Variants in PCDHGA3 observed in about 807,000 individuals in gnomAD.
PCDHGA3 encodes the protein protocadherin gamma-A3.
A neutral mutation model predicts 58.5 loss-of-function variants in PCDHGA3; 40 were observed. The ratio of observed to expected loss-of-function variants is 0.68; its 90% CI spans 0.53 to 0.89. PCDHGA3 has a LOEUF of 0.89. Among genes scored for constraint, PCDHGA3 ranks in the 40% least tolerant of loss-of-function variants. PCDHGA3 has a pLI of 0.00. For missense variants in PCDHGA3, 1,223 were observed against 1,195.9 expected, an observed-to-expected ratio of 1.02 and a Z score of -0.33; for synonymous variants, 530 against 525.7, an observed-to-expected ratio of 1.01 and a Z score of -0.11.
At chr5:141,390,353 T>C (rs2092125983) in intron 1 of PCDHGA3, 3 of 1,554,516 alleles carry the variant, frequency 1.9e-6, no homozygotes, top group African/African-American at 2.8e-5. Flanking sequence ...AAAATATACA[T>C]ATTTGCAGGA....
chr5:141,465,583 A>G (rs1056902823), intron 1 of PCDHGA3, among the ~76,000 whole-genome samples: 10 of 152,162 alleles, frequency 6.6e-5, no homozygotes, highest in African/African-American at 2.4e-4. Flanking sequence ...ACACTCTCAT[A>G]ATAATCAGAT....
At chr5:141,409,589 G>A (rs1487343349) in intron 1 of PCDHGA3, 12 of 1,613,758 alleles carry the variant, frequency 7.4e-6, no homozygotes, top group East Asian at 4.5e-5. Flanking sequence ...CCACGTGGCC[G>A]AGAACAACCC....
intron 2 of PCDHGA3, among the ~76,000 whole-genome samples, chr5:141,495,725 C>G (rs1339925752): frequency 1.3e-5 from 2 of 151,986 alleles, no homozygotes; most frequent in African/African-American, 4.8e-5. Flanking sequence ...TACACGGGAC[C>G]CTTAGTCTCT....
At chr5:141,365,529 A>C (rs376283711) in intron 1 of PCDHGA3, 2 of 1,613,724 alleles carry the variant, frequency 1.2e-6, no homozygotes, top group Non-Finnish European at 1.7e-6. Context: ...TCAGTTGATA[A>C]TTACTATCAC....
chr5:141,388,424 G>T, intron 1 of PCDHGA3: 2 of 1,613,812 alleles, frequency 1.2e-6, no homozygotes, highest in Non-Finnish European at 1.7e-6. Flanking sequence ...ATTTCTCACT[G>T]ATAAATAAAG....
At chr5:141,448,924 G>A (rs1244728418) in intron 1 of PCDHGA3, among the ~76,000 whole-genome samples, 1 of 152,116 alleles carries the variant, frequency 6.6e-6, no homozygotes, top group East Asian at 1.9e-4. Flanking sequence ...CAGCCTGGGC[G>A]ACAGAGCAAG....
Position 141,486,453 on chromosome 5 carries a change from C to T in PCDHGA3, c.2425-8354C>T, listed in dbSNP as rs776820667. 6.2e-6 allele frequency: 10 copies of T among 1,614,114 alleles called. No homozygotes were observed. The highest frequency in any genetic ancestry group is 1.1e-5 in the South Asian group (1 of 91,082). On this transcript the variant is annotated intron_variant, in intron 1 of 3. Transcript: ENST00000253812. The surrounding 1 kb of genome is among the most constrained non-coding windows in gnomAD (Gnocchi z 5.0). ...TCTAGCTATGACATCATGGTCACTGCTTCTGATGCTGGGAACCCTCCTCTC... is the reference window on the plus strand; with the variant it reads ...TCTAGCTATGACATCATGGTCACTGTTTCTGATGCTGGGAACCCTCCTCTC...
Position 141,346,096 on chromosome 5 carries a change from A to G in PCDHGA3, c.2063A>G (p.Asp688Gly). 1 of 1,613,228 alleles carries G rather than the reference A, an allele frequency of 6.2e-7. No individual in the cohort carries two copies. Among genetic ancestry groups the G allele is most frequent in the Non-Finnish European group, 8.5e-7 (1 of 1,179,732 alleles). The change falls in exon 1 of 4, where the codon GAC becomes GGC. Residue 688 changes from aspartate (D) to glycine (G), a missense_variant. Transcript: ENST00000253812. ...LEPSAKPNDS[D>G]LTLYLVVAVA... Reference sequence around the variant, plus strand: ...CCCTCCGCCAAACCCAACGATTCGGACCTCACTCTGTACCTGGTGGTGGCG... The same window carrying G: ...CCCTCCGCCAAACCCAACGATTCGGGCCTCACTCTGTACCTGGTGGTGGCG...
chr5:141,378,334 C>T (rs1228314593), intron 1 of PCDHGA3: 1 of 152,202 alleles, frequency 6.6e-6, no homozygotes, highest in East Asian at 1.9e-4. Flanking sequence ...ACCAGCCTGA[C>T]CAACATGGTG....
chr5:141,509,081 A>T (rs1279221589), intron 3 of PCDHGA3, among the ~76,000 whole-genome samples: 1 of 152,160 alleles, frequency 6.6e-6, no homozygotes, highest in Non-Finnish European at 1.5e-5. Context: ...GATTTGCGAC[A>T]TGAAATGGGG....
intron 1 of PCDHGA3, among the ~76,000 whole-genome samples, chr5:141,433,853 A>C (rs934981508): frequency 1.3e-5 from 2 of 151,912 alleles, no homozygotes; most frequent in African/African-American, 2.4e-5. Context: ...AAAAAAAAAA[A>C]AACTTTATCC....
At chr5:141,427,525 C>T (rs779318429) in intron 1 of PCDHGA3, 9 of 611,980 alleles carry the variant, frequency 1.5e-5, no homozygotes, top group South Asian at 3.0e-5. Flanking sequence ...GAGCGGATCC[C>T]GGAGTACAAC....
chr5:141,387,764 AT>A, intron 1 of PCDHGA3: 1 of 1,430,464 alleles, frequency 7.0e-7, no homozygotes, highest in East Asian at 2.5e-5. Context: ...AAAAAGAAGA[AT>A]TTTTTCTTGA....
At chr5:141,391,449 A>C (rs1432134490) in intron 1 of PCDHGA3, 2 of 152,026 alleles carry the variant, frequency 1.3e-5, no homozygotes, top group Admixed American at 1.3e-4. Context: ...ACTAGCTGGA[A>C]CTCAGGCTCA....
chr5:141,347,137 C>CTCTTTCTTTCTTCCTTTCTT (rs1757891658), intron 1 of PCDHGA3, among the ~76,000 whole-genome samples: 1 of 113,744 alleles, frequency 8.8e-6, no homozygotes, highest in Non-Finnish European at 1.7e-5. Context: ...CTCTGTTTCT[C>CTCTTTCTTTCTTCCTTTCTT]TCTTTCTTTC....
intron 1 of PCDHGA3, among the ~76,000 whole-genome samples, chr5:141,373,744 G>C (rs10061034): frequency 0.027 from 4,169 of 152,204 alleles, 185 homozygotes; most frequent in African/African-American, 0.096. Flanking sequence ...TCATTATCTT[G>C]GGGAGGGAAA....
rs762314174 is a variant in PCDHGA3, at chr5:141,404,905, GCC to G, written c.2424+58452_2424+58453del. The G allele has an allele frequency of 1.9e-6, 3 of 1,613,910 alleles. No homozygotes were observed. In the South Asian group the frequency reaches 3.3e-5, roughly 18 times the overall value. On this transcript the variant is annotated intron_variant, in intron 1 of 3. Coordinates refer to ENST00000253812, the MANE Select transcript of PCDHGA3 (RefSeq NM_018916.4). ...TGGTGGCTGTACAGGACCATGGCCA[GCC>G]CCCTCTCTCGGCCACTGTCACGCTC...
intron 1 of PCDHGA3, chr5:141,361,485 A>T (rs1762045132): frequency 2.5e-6 from 4 of 1,614,034 alleles, no homozygotes; most frequent in Non-Finnish European, 3.4e-6. Flanking sequence ...ATAATGCCCC[A>T]GTTTTCCAAC....
rs528252306 is a variant in PCDHGA3 at position 141,372,422 on chromosome 5, C to G, written c.2424+25965C>G. On this transcript the variant is annotated intron_variant, in intron 1 of 3. Coordinates refer to ENST00000253812, the MANE Select transcript of PCDHGA3 (RefSeq NM_018916.4). ...TGCAAGAGATACAACCTGACCTTAG[C>G]GACCGCCCCACTCCCTCTGACCCTC... The G allele has an allele frequency of 2.2e-5, 36 of 1,614,042 alleles. 2 individuals carry two copies. The South Asian group carries it at 3.7e-4, about 17-fold the overall frequency.
Sources: allele counts gnomAD v4.1 joint callset (sites outside exome capture counted in the v4.1 genomes callset), GRCh38; gene constraint gnomAD v4.1.1; non-coding constraint Gnocchi (gnomAD v3.1); transcripts MANE v1.5; gene names NCBI Gene and HGNC (gene_info 2026-07-23, HGNC 2026-07-21).